PKHD1: variants seen among roughly 807,000 people sequenced by gnomAD.
PKHD1 encodes fibrocystin.
Under a neutral mutation model 412.0 loss-of-function variants are expected in PKHD1, and 291 were observed. That is an observed-to-expected ratio of 0.71 (90% confidence interval 0.64 to 0.78). The LOEUF (loss-of-function observed/expected upper bound fraction) is 0.78, where lower values mean the gene tolerates loss of function less well. PKHD1 is among the 30% of genes least tolerant of loss of function. The pLI, the probability that PKHD1 is intolerant of heterozygous loss-of-function variation, is 0.00. For missense variants in PKHD1, 4,825 were observed against 4,950.7 expected (o/e 0.97, Z 0.76); for synonymous variants, 1,777 against 1,821.5 (o/e 0.98, Z 0.62).
At chr6:51,959,755 A>G in intron 36 of PKHD1, 115 bp downstream of exon 36, 1 of 970,918 alleles carries the variant, frequency 1.0e-6, no homozygotes, top group Admixed American at 1.7e-5. Flanking sequence ...GTTTGGTCTG[A>G]GGATAAATTG....
At chr6:51,993,114 C>T (rs1336379279) in intron 35 of PKHD1, among the ~76,000 whole-genome samples, 1 of 152,218 alleles carries the variant, frequency 6.6e-6, no homozygotes, top group East Asian at 1.9e-4. Flanking sequence ...TTCCCCGTGA[C>T]AATTGTCATA....
At chr6:51,966,025 T>C (rs1487712570) in intron 35 of PKHD1, among the ~76,000 whole-genome samples, 2 of 152,190 alleles carry the variant, frequency 1.3e-5, no homozygotes, top group Non-Finnish European at 2.9e-5. Context: ...TTAATATTTC[T>C]AATGTCCCAA....
intron 54 of PKHD1, among the ~76,000 whole-genome samples, 197 bp from the exon 55 acceptor site, chr6:51,772,986 T>G (rs910611333): frequency 6.6e-6 from 1 of 152,014 alleles, no homozygotes; most frequent in Non-Finnish European, 1.5e-5. Flanking sequence ...GCTATGAAAT[T>G]TATTCTCTCA....
At chr6:51,762,902 T>G (rs1197053792) in intron 55 of PKHD1, among the ~76,000 whole-genome samples, 1 of 152,104 alleles carries the variant, frequency 6.6e-6, no homozygotes, top group Non-Finnish European at 1.5e-5. Flanking sequence ...CAGGGAACAC[T>G]GAGTGAAGGG....
intron 55 of PKHD1, among the ~76,000 whole-genome samples, chr6:51,764,867 AC>A (rs1562260868): frequency 6.6e-6 from 1 of 151,564 alleles, no homozygotes; most frequent in Non-Finnish European, 1.5e-5. Flanking sequence ...CTTCTCAATC[AC>A]CTGTGTTGAC....
chr6:52,031,115 G>A (rs1195879819), intron 29 of PKHD1, among the ~76,000 whole-genome samples: 1 of 152,196 alleles, frequency 6.6e-6, no homozygotes, highest in African/African-American at 2.4e-5. Context: ...TCCTGGACCA[G>A]GTACTTTCAT....
At position 51,638,946 on chromosome 6, in the gene PKHD1, C is replaced by G. The variant is rs755060720; in HGVS notation, c.11409G>C (p.Gln3803His). 1.9e-6 allele frequency: 3 copies of G among 1,612,316 alleles called. No individual in the cohort carries two copies. In the South Asian group the frequency reaches 3.3e-5, roughly 18 times the overall value. ...ASDSVLKGCT[Q>H]AETQDGYVSF... ...TAACATAACCATCTTGAGTTTCTGC[C>G]TGGGTGCACCCTACAAAAAAGTACA... Residue 3803 changes from glutamine (Q) to histidine (H), a missense_variant, in exon 64 of 67, where the codon CAG becomes CAC. Transcript: ENST00000371117.
intron 60 of PKHD1, among the ~76,000 whole-genome samples, chr6:51,737,033 A>T (rs1363018254): frequency 1.3e-5 from 2 of 152,158 alleles, no homozygotes; most frequent in South Asian, 2.1e-4. Flanking sequence ...TTTTTTATCA[A>T]CCTAATCTTT....
chr6:51,759,429 T>C (rs892643772), intron 55 of PKHD1, among the ~76,000 whole-genome samples: 1 of 152,162 alleles, frequency 6.6e-6, no homozygotes, highest in Admixed American at 6.6e-5. Flanking sequence ...CCCTGGAATT[T>C]TGAATGAAAC....
At chr6:52,033,431 G>A (rs1043014477) in intron 28 of PKHD1, among the ~76,000 whole-genome samples, 8 of 152,032 alleles carry the variant, frequency 5.3e-5, no homozygotes, top group Middle Eastern at 3.4e-3. Flanking sequence ...ATGCTGTAAG[G>A]GGTAAATAAG....
At chr6:51,929,273 G>A (rs1187940509) in intron 37 of PKHD1, among the ~76,000 whole-genome samples, 1 of 152,178 alleles carries the variant, frequency 6.6e-6, no homozygotes, top group African/African-American at 2.4e-5. Flanking sequence ...CAGGAATCAT[G>A]CAGAGAGGCC....
chr6:51,668,199 G>C (rs373516749), intron 60 of PKHD1, among the ~76,000 whole-genome samples: 14 of 152,114 alleles, frequency 9.2e-5, no homozygotes, highest in East Asian at 1.9e-4. Context: ...TCTTCCATTT[G>C]TTTGTATCCT....
intron 50 of PKHD1, among the ~76,000 whole-genome samples, chr6:51,846,566 T>C (rs192620041): frequency 1.0e-3 from 159 of 152,280 alleles, no homozygotes; most frequent in African/African-American, 3.6e-3. Flanking sequence ...GAGAGACCAA[T>C]GCTGACATGG....
chr6:51,803,787 A>G (rs540346280), intron 52 of PKHD1, among the ~76,000 whole-genome samples: 4 of 151,348 alleles, frequency 2.6e-5, no homozygotes, highest in Non-Finnish European at 5.9e-5. Flanking sequence ...GCTCACTGTA[A>G]TCTCCGCCAC....
At chr6:52,059,217 T>A (rs903755727) in intron 15 of PKHD1, among the ~76,000 whole-genome samples, 4 of 151,356 alleles carry the variant, frequency 2.6e-5, no homozygotes, top group Admixed American at 2.0e-4. Flanking sequence ...GCTATCCAAG[T>A]GGATTGGGCA....
At chr6:51,758,052 G>GAGAA (rs1787355253) in intron 55 of PKHD1, among the ~76,000 whole-genome samples, 1 of 138,390 alleles carries the variant, frequency 7.2e-6, no homozygotes, top group Non-Finnish European at 1.6e-5. Context: ...GAGAGAGAGA[G>GAGAA]AAAACAAAGC....
At chr6:51,844,178 A>C (rs560193028) in intron 50 of PKHD1, among the ~76,000 whole-genome samples, 1 of 152,320 alleles carries the variant, frequency 6.6e-6, no homozygotes, top group South Asian at 2.1e-4. Context: ...TTGTGCCACA[A>C]TTCCAAGAGA....
At chr6:52,066,983 A>C (rs1562273652) in intron 11 of PKHD1, among the ~76,000 whole-genome samples, 1 of 152,194 alleles carries the variant, frequency 6.6e-6, no homozygotes, top group Non-Finnish European at 1.5e-5. Context: ...GCTTTATCTC[A>C]TTCTTTCCTC....
intron 36 of PKHD1, among the ~76,000 whole-genome samples, chr6:51,944,126 A>C (rs1789049593): frequency 6.6e-6 from 1 of 152,172 alleles, no homozygotes; most frequent in African/African-American, 2.4e-5. Flanking sequence ...ACATTCCACC[A>C]CAAAAGAAGT....
Sources: allele counts gnomAD v4.1 joint callset (sites outside exome capture counted in the v4.1 genomes callset), GRCh38; gene constraint gnomAD v4.1.1; transcripts MANE v1.5; gene names NCBI Gene and HGNC (gene_info 2026-07-23, HGNC 2026-07-21).